EHBP1: variants seen among roughly 807,000 people sequenced by gnomAD.
EHBP1 encodes EH domain-binding protein 1.
Under a neutral mutation model 144.0 loss-of-function variants are expected in EHBP1, and 55 were observed. The ratio of observed to expected loss-of-function variants is 0.38; its 90% CI spans 0.31 to 0.48. The LOEUF (loss-of-function observed/expected upper bound fraction) is 0.48, where lower values mean the gene tolerates loss of function less well. Ranked by LOEUF, EHBP1 falls within the 20% of genes least tolerant of loss-of-function variation. The pLI, the probability that EHBP1 is intolerant of heterozygous loss-of-function variation, is 0.98. For missense variants in EHBP1, 1,200 were observed against 1,364.2 expected, an observed-to-expected ratio of 0.88 and a Z score of 1.90; for synonymous variants, 469 against 472.7, an observed-to-expected ratio of 0.99 and a Z score of 0.10.
intron 1 of EHBP1, among the ~76,000 whole-genome samples, chr2:62,683,332 T>G (rs1180127218): frequency 6.6e-6 from 1 of 152,218 alleles, no homozygotes; most frequent in Non-Finnish European, 1.5e-5. Flanking sequence ...GCTTGGGTCA[T>G]GTGCCCTTTC....
intron 10 of EHBP1, among the ~76,000 whole-genome samples, chr2:62,942,122 G>GCTGTTGCTACCAACACCTGA (rs2056792533): frequency 6.6e-6 from 1 of 152,082 alleles, no homozygotes; most frequent in Admixed American, 6.5e-5. Context: ...ACTGTTGTGT[G>GCTGTTGCTACCAACACCTGA]CTGTTGCTAC....
intron 5 of EHBP1, among the ~76,000 whole-genome samples, chr2:62,807,417 A>G (rs2044604494): frequency 6.6e-6 from 1 of 152,164 alleles, no homozygotes; most frequent in East Asian, 1.9e-4. Flanking sequence ...GTGCGGTGGC[A>G]CATGCCTGTA....
At position 62,895,644 on chromosome 2, in the gene EHBP1, A is replaced by G. The variant is rs149135523; in HGVS notation, c.1185+21112A>G. Among the ~76,000 whole-genome samples, 455 of 152,332 alleles carry G rather than the reference A, an allele frequency of 3.0e-3. 2 individuals are homozygous for G. Among genetic ancestry groups the G allele is most frequent in the South Asian group, 0.017 (81 of 4,832 alleles). On this transcript the variant is annotated intron_variant, in intron 10 of 22. Transcript: ENST00000431489. Reference sequence around the variant, plus strand: ...TTTCAATAGAATGAAAACTTTGAAGACAGTATGTGACAGATAGAAACTGAA... The same window carrying G: ...TTTCAATAGAATGAAAACTTTGAAGGCAGTATGTGACAGATAGAAACTGAA...
chr2:62,780,656 A>G (rs1190352855), intron 5 of EHBP1, among the ~76,000 whole-genome samples: 2 of 152,190 alleles, frequency 1.3e-5, no homozygotes, highest in Admixed American at 1.3e-4. Context: ...AAGAATGATC[A>G]TGCATGCTTT....
intron 7 of EHBP1, chr2:62,858,228 C>T: frequency 2.5e-6 from 1 of 403,210 alleles, no homozygotes; most frequent in Non-Finnish European, 4.4e-6. Context: ...AATATGAGTA[C>T]AGCATAACAT....
intron 14 of EHBP1, among the ~76,000 whole-genome samples, chr2:62,966,095 T>G (rs1162163892): frequency 6.6e-6 from 1 of 152,198 alleles, no homozygotes; most frequent in African/African-American, 2.4e-5. Flanking sequence ...ACAAATTAAC[T>G]TAGAGTCTGA....
chr2:62,977,208 C>T lies in EHBP1; in HGVS notation c.2461-1980C>T, dbSNP rs112444397. On this transcript the variant is annotated intron_variant, in intron 14 of 22. Coordinates refer to ENST00000431489, the MANE Select transcript of EHBP1 (RefSeq NM_001142616.3). ...AAAAGACATATGCATAAAAACAAAG[C>T]CCGGCAGTGGTCCTGCTGTCTTTAG... 7.2e-5 allele frequency among the ~76,000 whole-genome samples: 11 copies of T among 151,918 alleles called. 2 individuals carry two copies. Among genetic ancestry groups the T allele is most frequent in the African/African-American group, 2.7e-4 (11 of 41,478 alleles).
At chr2:62,686,110 C>A (rs1273050334) in intron 1 of EHBP1, among the ~76,000 whole-genome samples, 1 of 152,106 alleles carries the variant, frequency 6.6e-6, no homozygotes, top group African/African-American at 2.4e-5. Flanking sequence ...GCAACTTCTC[C>A]TGTTGCTCAT....
At chr2:62,944,312 G>A (rs561108661) in intron 12 of EHBP1, among the ~76,000 whole-genome samples, 48 of 152,218 alleles carry the variant, frequency 3.2e-4, no homozygotes, top group African/African-American at 8.2e-4. Flanking sequence ...CAGTTATTGC[G>A]CTGCAAAACA....
chr2:62,946,514 A>G (rs1043069764), intron 12 of EHBP1, among the ~76,000 whole-genome samples: 1 of 152,188 alleles, frequency 6.6e-6, no homozygotes, highest in Non-Finnish European at 1.5e-5. Flanking sequence ...AGCTTCACAC[A>G]TTTCTTCCCA....
upstream of EHBP1, among the ~76,000 whole-genome samples, chr2:62,703,393 G>C (rs754418412): frequency 6.6e-6 from 1 of 151,988 alleles, no homozygotes; most frequent in Non-Finnish European, 1.5e-5. Flanking sequence ...CAGCAAAGCA[G>C]GCCAAAAGAG....
At chr2:62,748,069 T>C (rs1453487528) in intron 3 of EHBP1, among the ~76,000 whole-genome samples, 6 of 152,102 alleles carry the variant, frequency 3.9e-5, no homozygotes, top group Admixed American at 1.3e-4. Context: ...ACTGAGACAG[T>C]AGCCTTGAAT....
chr2:62,781,194 C>T (rs1175417275), intron 5 of EHBP1, among the ~76,000 whole-genome samples: 3 of 151,874 alleles, frequency 2.0e-5, no homozygotes, highest in Admixed American at 6.6e-5. Context: ...GTACTTAATG[C>T]AGTCTTGGTG....
intron 7 of EHBP1, among the ~76,000 whole-genome samples, chr2:62,838,391 A>G (rs2152701448): frequency 6.6e-6 from 1 of 151,118 alleles, no homozygotes; most frequent in Non-Finnish European, 1.5e-5. Flanking sequence ...GAAAGCAGGA[A>G]AGATCCAAAA....
At chr2:62,968,069 A>G (rs549135415) in intron 14 of EHBP1, among the ~76,000 whole-genome samples, 1 of 152,284 alleles carries the variant, frequency 6.6e-6, no homozygotes. Context: ...TTCTTTAAAC[A>G]CTAAGGTATT....
chr2:63,023,200 A>G (rs1034862499), intron 19 of EHBP1, among the ~76,000 whole-genome samples: 3 of 152,088 alleles, frequency 2.0e-5, no homozygotes, highest in African/African-American at 7.2e-5. Flanking sequence ...TAAATCAGAT[A>G]TTTTTAGATG....
chr2:62,976,709 A>G (rs1185505860), intron 14 of EHBP1, among the ~76,000 whole-genome samples: 1 of 152,082 alleles, frequency 6.6e-6, no homozygotes, highest in African/African-American at 2.4e-5. Flanking sequence ...CCTATAACTC[A>G]TCAGCTCTCT....
intron 10 of EHBP1, among the ~76,000 whole-genome samples, chr2:62,935,115 G>A (rs557029978): frequency 1.3e-5 from 2 of 152,052 alleles, no homozygotes; most frequent in South Asian, 2.1e-4. Context: ...GGATCACGAG[G>A]TCAAGAGATG....
chr2:62,891,913 A>G (rs920365333), intron 10 of EHBP1, among the ~76,000 whole-genome samples: 23 of 152,182 alleles, frequency 1.5e-4, no homozygotes, highest in Admixed American at 1.5e-3. Flanking sequence ...CAAAGCCAGT[A>G]ATTGAAAATA....
Sources: gnomAD v4.1 joint callset for allele counts (sites outside exome capture counted in the v4.1 genomes callset) on GRCh38, gnomAD v4.1.1 for gene constraint, MANE v1.5 for transcripts, NCBI Gene and HGNC (gene_info 2026-07-23, HGNC 2026-07-21) for gene names.